The following CAMK1D variants were observed in gnomAD, a reference collection of about 807,000 sequenced individuals.
CAMK1D encodes calcium/calmodulin-dependent protein kinase type 1D.
In CAMK1D, 9 loss-of-function variants were observed where a neutral mutation model predicts 47.7. The ratio of observed to expected loss-of-function variants is 0.19; its 90% confidence interval spans 0.11 to 0.33. The LOEUF (loss-of-function observed/expected upper bound fraction) is 0.33. CAMK1D is among the 10% of genes least tolerant of loss of function. The pLI, the probability that CAMK1D is intolerant of heterozygous loss-of-function variation, is 1.00. For missense variants in CAMK1D, 291 were observed against 488.7 expected, an observed-to-expected ratio of 0.60 and a Z score of 3.81; for synonymous variants, 184 against 184.9, an observed-to-expected ratio of 0.99 and a Z score of 0.04.
chr10:12,429,288 G>A (rs569116299), intron 1 of CAMK1D, among the ~76,000 whole-genome samples: 18 of 152,180 alleles, frequency 1.2e-4, no homozygotes, highest in African/African-American at 4.3e-4. Context: ...CCTCCAGGCA[G>A]TCTCCCCTGA....
chr10:12,486,672 G>C (rs1834229047), intron 1 of CAMK1D, among the ~76,000 whole-genome samples: 1 of 152,220 alleles, frequency 6.6e-6, no homozygotes, highest in Non-Finnish European at 1.5e-5. Flanking sequence ...TTTATAAAAA[G>C]GCAGCAATGA....
chr10:12,672,657 C>T (rs975272883), intron 3 of CAMK1D, among the ~76,000 whole-genome samples: 5 of 152,082 alleles, frequency 3.3e-5, no homozygotes, highest in Non-Finnish European at 7.3e-5. Context: ...AGACGTGAGC[C>T]ACTGTGCCGG....
intron 2 of CAMK1D, 98 bp from the exon 3 acceptor site, chr10:12,666,638 G>A: frequency 1.1e-6 from 1 of 932,622 alleles, no homozygotes; most frequent in East Asian, 2.4e-5. Flanking sequence ...CAGGAGTTTG[G>A]ATTCTGTTTT....
intron 1 of CAMK1D, among the ~76,000 whole-genome samples, chr10:12,479,571 G>A (rs539440815): frequency 5.9e-5 from 9 of 152,220 alleles, no homozygotes; most frequent in African/African-American, 2.2e-4. Flanking sequence ...GCTTTGAGCA[G>A]CTCTGTGCTG....
intron 2 of CAMK1D, among the ~76,000 whole-genome samples, chr10:12,611,873 G>A (rs1448023936): frequency 1.3e-5 from 2 of 152,102 alleles, no homozygotes; most frequent in African/African-American, 2.4e-5. Flanking sequence ...GATTACAGGC[G>A]TGAGCCACCG....
At chr10:12,810,328 G>A (rs1832551721) in intron 6 of CAMK1D, among the ~76,000 whole-genome samples, 1 of 145,622 alleles carries the variant, frequency 6.9e-6, no homozygotes, top group Non-Finnish European at 1.5e-5. Flanking sequence ...AGGCTGGAGT[G>A]CAGTGGTGTG....
intron 1 of CAMK1D, among the ~76,000 whole-genome samples, chr10:12,469,201 C>G (rs1833678559): frequency 6.6e-6 from 1 of 152,024 alleles, no homozygotes; most frequent in Non-Finnish European, 1.5e-5. Context: ...TAAAGGGTCT[C>G]CTCTGAATGG....
chr10:12,517,913 C>T (rs1039948999), intron 1 of CAMK1D, among the ~76,000 whole-genome samples: 24 of 152,102 alleles, frequency 1.6e-4, no homozygotes, highest in Non-Finnish European at 2.8e-4. Context: ...AAATGAGTTG[C>T]AAAGTATTTC....
intron 1 of CAMK1D, among the ~76,000 whole-genome samples, chr10:12,405,364 C>T (rs576685716): frequency 1.0e-3 from 156 of 152,292 alleles, no homozygotes; most frequent in Non-Finnish European, 1.7e-3. Flanking sequence ...AACAGTTGCA[C>T]TCATCAGCGA....
chr10:12,607,498 C>T (rs141447817), intron 2 of CAMK1D, among the ~76,000 whole-genome samples: 2 of 152,326 alleles, frequency 1.3e-5, no homozygotes, highest in East Asian at 3.9e-4. Flanking sequence ...CTGTTCGCAT[C>T]CCTGAGCGGG....
chr10:12,786,464 G>A (rs951381924), intron 5 of CAMK1D, among the ~76,000 whole-genome samples: 1 of 152,148 alleles, frequency 6.6e-6, no homozygotes, highest in Admixed American at 6.5e-5. Flanking sequence ...TTGTCATCCT[G>A]ATATTTACTT....
At chr10:12,615,649 GTA>G (rs1175625369) in intron 2 of CAMK1D, among the ~76,000 whole-genome samples, 4 of 146,246 alleles carry the variant, frequency 2.7e-5, no homozygotes, top group Non-Finnish European at 3.0e-5. Flanking sequence ...GTTTGTACAG[GTA>G]TGTGTTTATT....
chr10:12,639,754 G>GA (rs1309799071), intron 2 of CAMK1D, among the ~76,000 whole-genome samples: 1 of 152,080 alleles, frequency 6.6e-6, no homozygotes, highest in African/African-American at 2.4e-5. Flanking sequence ...TTAATTGCTT[G>GA]ATAATGTAAG....
At chr10:12,648,814 C>T (rs555677431) in intron 2 of CAMK1D, among the ~76,000 whole-genome samples, 5 of 152,098 alleles carry the variant, frequency 3.3e-5, no homozygotes, top group South Asian at 2.1e-4. Flanking sequence ...TTTTTTAGTA[C>T]GTGTAGAAAT....
intron 3 of CAMK1D, among the ~76,000 whole-genome samples, chr10:12,715,125 G>C (rs922449140): frequency 2.0e-5 from 3 of 152,010 alleles, no homozygotes; most frequent in Non-Finnish European, 2.9e-5. Context: ...CCAGCCTCTG[G>C]TATCTATCAT....
At chr10:12,673,789 A>G (rs145177275) in intron 3 of CAMK1D, among the ~76,000 whole-genome samples, 1 of 152,334 alleles carries the variant, frequency 6.6e-6, no homozygotes, top group African/African-American at 2.4e-5. Context: ...AATGACAGAA[A>G]GCCCTGGATA....
intron 3 of CAMK1D, among the ~76,000 whole-genome samples, chr10:12,674,617 T>TTTTTTTTTTTTTC (rs398012836): frequency 6.9e-6 from 1 of 145,318 alleles, no homozygotes; most frequent in African/African-American, 2.5e-5. Context: ...TTTTTTTTTT[T>TTTTTTTTTTTTTC]CAGAATTCTG....
At chr10:12,568,820 C>T (rs935391431) in intron 2 of CAMK1D, among the ~76,000 whole-genome samples, 1 of 152,076 alleles carries the variant, frequency 6.6e-6, no homozygotes, top group Non-Finnish European at 1.5e-5. Context: ...ACAGTGTTTC[C>T]TTATGCAGAT....
At chr10:12,448,156 T>C (rs1832976716) in intron 1 of CAMK1D, among the ~76,000 whole-genome samples, 1 of 151,960 alleles carries the variant, frequency 6.6e-6, no homozygotes, top group African/African-American at 2.4e-5. Flanking sequence ...TCCTGGACTT[T>C]TTTACTTACT....
Sources: gnomAD v4.1 joint callset for allele counts (sites outside exome capture counted in the v4.1 genomes callset) on GRCh38, gnomAD v4.1.1 for gene constraint, MANE v1.5 for transcripts, NCBI Gene and HGNC (gene_info 2026-07-23, HGNC 2026-07-21) for gene names.